The following TMCO6 variants were observed in gnomAD, a reference collection of about 807,000 sequenced individuals.
TMCO6 encodes transmembrane and coiled-coil domain-containing protein 6.
In TMCO6, 47 loss-of-function variants were observed where a neutral mutation model predicts 61.8. The observed-to-expected ratio is 0.76, with a 90% CI of 0.60 to 0.97. TMCO6 has a LOEUF of 0.97. Among genes scored for constraint, TMCO6 ranks in the 50% least tolerant of loss-of-function variants. The pLI is 0.00. For synonymous variants in TMCO6, 261 were observed against 254.2 expected (o/e 1.03, Z -0.25); for missense variants, 557 against 601.6 (o/e 0.93, Z 0.78).
At chr5:140,610,334 C>T in the TMCO6 span, among the ~76,000 whole-genome samples, 11 of 151,996 alleles carry the variant, frequency 7.2e-5, no homozygotes, top group East Asian at 3.9e-4. Flanking sequence ...TCCAGCCTGG[C>T]GACGGCACAA....
chr5:140,633,456 T>C, the TMCO6 span: 23 of 413,542 alleles, frequency 5.6e-5, no homozygotes, highest in Non-Finnish European at 9.6e-5. Context: ...CTCTGGTGGG[T>C]GTGGGAAAAG....
At chr5:140,633,407 A>G in the TMCO6 span, 1 of 485,802 alleles carries the variant, frequency 2.1e-6, no homozygotes, top group Non-Finnish European at 3.8e-6. Flanking sequence ...CAGGCGCCCC[A>G]GGCGGTGAAT....
At chr5:140,645,640 T>C (rs1757349046), downstream of TMCO6, 3 of 1,614,086 alleles carry the variant, frequency 1.9e-6, no homozygotes, top group African/African-American at 4.0e-5. Context: ...TGATCAGCAC[T>C]GAAGTTGTTC....
At chr5:140,637,938 C>G (rs141306957), upstream of TMCO6, among the ~76,000 whole-genome samples, 3 of 152,078 alleles carry the variant, frequency 2.0e-5, no homozygotes, top group Admixed American at 2.0e-4. Context: ...TCTTCCCTTC[C>G]TCCTTTCCTC....
At chr5:140,627,203 C>A in the TMCO6 span, among the ~76,000 whole-genome samples, 1 of 147,778 alleles carries the variant, frequency 6.8e-6, no homozygotes, top group South Asian at 2.2e-4. Context: ...GTCTCAGCAA[C>A]TTTTTTTTTT....
At chr5:140,639,298 C>T, upstream of TMCO6, 1 of 528,390 alleles carries the variant, frequency 1.9e-6, no homozygotes, top group Non-Finnish European at 3.4e-6. Context: ...GGCAGAGCGA[C>T]GCCTCTGGCT....
the TMCO6 span, among the ~76,000 whole-genome samples, chr5:140,611,067 G>A: frequency 6.6e-5 from 10 of 152,264 alleles, no homozygotes; most frequent in East Asian, 1.7e-3. Context: ...AAACATGAAA[G>A]GCAGCTCAAC....
chr5:140,639,327 G>A, upstream of TMCO6: 6 of 586,960 alleles, frequency 1.0e-5, 1 homozygote, highest in South Asian at 3.9e-5. Context: ...GTGGTGCAGC[G>A]TCTCTAGCCC....
At chr5:140,626,663 A>G in the TMCO6 span, among the ~76,000 whole-genome samples, 1 of 151,878 alleles carries the variant, frequency 6.6e-6, no homozygotes, top group African/African-American at 2.4e-5. Flanking sequence ...ACAGAGTCTC[A>G]CTCTGTGATC....
rs997157236 is a variant in TMCO6, at chr5:140,645,333, G to A, written c.*235G>A. 36 of 733,464 alleles carry A rather than the reference G, an allele frequency of 4.9e-5. No individual in the cohort carries two copies. The highest frequency in any genetic ancestry group is 6.9e-5 in the Non-Finnish European group (29 of 420,384). The allele number at this position is 733,464 out of a possible 1,614,324, so 45.4% of individuals were successfully genotyped here. On this transcript the variant is annotated 3_prime_UTR_variant, in exon 12 of 12. Coordinates refer to ENST00000394671, the MANE Select transcript of TMCO6 (RefSeq NM_018502.5). Reference sequence around the variant, plus strand: ...GGGGCCCTAGAATCCCTGCCCCCCCGCCACCCTTCATGTTTGCTTCAGCAG... The same window carrying A: ...GGGGCCCTAGAATCCCTGCCCCCCCACCACCCTTCATGTTTGCTTCAGCAG...
chr5:140,624,404 T>C, the TMCO6 span, among the ~76,000 whole-genome samples: 1 of 152,052 alleles, frequency 6.6e-6, no homozygotes, highest in South Asian at 2.1e-4. Flanking sequence ...AAGTATTCAA[T>C]TTAGTGGTGT....
chr5:140,634,742 G>A (rs1013603088), upstream of TMCO6, among the ~76,000 whole-genome samples: 1 of 152,128 alleles, frequency 6.6e-6, no homozygotes, highest in African/African-American at 2.4e-5. Flanking sequence ...CTCTCAAAGT[G>A]CTGGGATTAC....
upstream of TMCO6, chr5:140,639,308 T>G (rs1414734284): frequency 7.3e-6 from 4 of 545,304 alleles, no homozygotes; most frequent in Admixed American, 3.5e-5. Flanking sequence ...CGCCTCTGGC[T>G]CTGGTCTAGT....
At chr5:140,639,091 G>A (rs990214038), upstream of TMCO6, 3 of 176,058 alleles carry the variant, frequency 1.7e-5, no homozygotes, top group Non-Finnish European at 3.7e-5. Context: ...TCTCATCAGT[G>A]GGATCCGCAT....
At chr5:140,603,407 A>C in the TMCO6 span, among the ~76,000 whole-genome samples, 1 of 152,078 alleles carries the variant, frequency 6.6e-6, no homozygotes. Context: ...TCCCAGGTTC[A>C]AGCGCTTTTC....
the TMCO6 span, among the ~76,000 whole-genome samples, chr5:140,629,550 T>G: frequency 6.6e-6 from 1 of 152,290 alleles, no homozygotes; most frequent in Admixed American, 6.5e-5. Flanking sequence ...CAGACTTGGG[T>G]CCCATCCAAA....
chr5:140,647,296 G>A (rs1581476036), downstream of TMCO6: 1 of 1,575,592 alleles, frequency 6.3e-7, no homozygotes, highest in Admixed American at 1.8e-5. Context: ...CGGAGCATTC[G>A]CGGATTAGGA....
chr5:140,645,801 T>A, downstream of TMCO6: 1 of 1,478,358 alleles, frequency 6.8e-7, no homozygotes. Flanking sequence ...AGAGATATGA[T>A]CAAAATACAT....
the TMCO6 span, among the ~76,000 whole-genome samples, chr5:140,601,250 G>A: frequency 6.6e-6 from 1 of 152,164 alleles, no homozygotes; most frequent in Non-Finnish European, 1.5e-5. Context: ...CACCCTGACA[G>A]TTTTTCTCAC....
Sources: gnomAD v4.1 joint callset for allele counts (sites outside exome capture counted in the v4.1 genomes callset) on GRCh38, gnomAD v4.1.1 for gene constraint, MANE v1.5 for transcripts, NCBI Gene and HGNC (gene_info 2026-07-23, HGNC 2026-07-21) for gene names.